Variants in ASTN1 observed in about 807,000 individuals in gnomAD.
ASTN1 encodes the protein astrotactin-1.
Under a neutral mutation model 140.7 loss-of-function variants are expected in ASTN1, and 41 were observed. That is an observed-to-expected ratio of 0.29 (90% confidence interval 0.23 to 0.38). The LOEUF (loss-of-function observed/expected upper bound fraction) is 0.38, where lower values mean the gene tolerates loss of function less well. Among genes scored for constraint, ASTN1 ranks in the 10% least tolerant of loss-of-function variants. The pLI is 1.00. For synonymous variants in ASTN1, 640 were observed against 652.2 expected, an observed-to-expected ratio of 0.98 and a Z score of 0.29; for missense variants, 1,479 against 1,678.8, an observed-to-expected ratio of 0.88 and a Z score of 2.08.
intron 9 of ASTN1, among the ~76,000 whole-genome samples, chr1:176,964,730 T>C (rs1381245870): frequency 6.6e-6 from 1 of 152,104 alleles, no homozygotes; most frequent in Non-Finnish European, 1.5e-5. Flanking sequence ...CTTAAGACTC[T>C]ATGAGGAAGG....
At chr1:176,859,163 C>G (rs890714370), downstream of ASTN1, among the ~76,000 whole-genome samples, 10 of 152,106 alleles carry the variant, frequency 6.6e-5, no homozygotes, top group Non-Finnish European at 2.9e-5. Context: ...AATGTTTTTT[C>G]CTTGTCCCAA....
In ASTN1 at chr1:176,996,289, T is replaced by TCACACACA. The variant is rs372443740; in HGVS notation, c.1523+18494_1523+18501dup. Reference sequence around the variant, plus strand: ...CTCTCTCTCTCTCTCTCTCTCTCTCTCACACACACACACACACACACAGAG... The same window carrying TCACACACA: ...CTCTCTCTCTCTCTCTCTCTCTCTCTCACACACACACACACACACACACACACACAGAG... On this transcript the variant is annotated intron_variant, in intron 8 of 22. Coordinates refer to ENST00000361833, the MANE Select transcript of ASTN1 (RefSeq NM_004319.3). Among the ~76,000 whole-genome samples, 8 of 129,302 alleles carry TCACACACA rather than the reference T, an allele frequency of 6.2e-5. 1 individual carries two copies. Among genetic ancestry groups the TCACACACA allele is most frequent in the Admixed American group, 2.5e-4 (3 of 12,104 alleles). 84.8% of individuals were successfully genotyped at this position (129,302 alleles called of 152,430 possible). A position where few individuals can be genotyped will look rare whatever the true frequency, so the allele number is the denominator to read the frequency against.
At chr1:177,147,767 C>T (rs1250318625) in intron 1 of ASTN1, among the ~76,000 whole-genome samples, 2 of 152,154 alleles carry the variant, frequency 1.3e-5, no homozygotes, top group Non-Finnish European at 1.5e-5. Context: ...TTATTCTTAA[C>T]ACAGAGATTG....
chr1:176,950,631 G>T (rs1672154268), intron 11 of ASTN1, among the ~76,000 whole-genome samples: 2 of 151,706 alleles, frequency 1.3e-5, no homozygotes, highest in African/African-American at 4.8e-5. Flanking sequence ...CCTTCTGCTT[G>T]TGCAACAGAT....
intron 18 of ASTN1, among the ~76,000 whole-genome samples, chr1:176,886,401 GAGGTAGCTCTC>G (rs1328367279): frequency 6.6e-6 from 1 of 152,186 alleles, no homozygotes; most frequent in East Asian, 1.9e-4. Context: ...TATTGTTTCA[GAGGTAGCTCTC>G]TTACCTGGTG....
chr1:176,880,266 A>C (rs1483148345), intron 20 of ASTN1, among the ~76,000 whole-genome samples: 2 of 152,076 alleles, frequency 1.3e-5, no homozygotes, highest in East Asian at 3.9e-4. Flanking sequence ...CTGAAACTTG[A>C]TGTGAGTGGA....
At chr1:176,872,747 A>T (rs1263148755) in intron 21 of ASTN1, among the ~76,000 whole-genome samples, 1 of 152,088 alleles carries the variant, frequency 6.6e-6, no homozygotes, top group African/African-American at 2.4e-5. Context: ...TCTTCTTCAA[A>T]CATGAGCCAA....
intron 8 of ASTN1, among the ~76,000 whole-genome samples, chr1:176,991,436 C>CAAAAAAAAAAAAAAAAAAAAAAAACAA (rs1173420812): frequency 4.3e-4 from 6 of 13,812 alleles, no homozygotes; most frequent in African/African-American, 1.1e-3. Flanking sequence ...AAAAAAAAAC[C>CAAAAAAAAAAAAAAAAAAAAAAAACAA]AAAAAAAAAA....
chr1:177,052,436 C>T (rs1439657775), intron 2 of ASTN1, among the ~76,000 whole-genome samples: 1 of 152,160 alleles, frequency 6.6e-6, no homozygotes, highest in Non-Finnish European at 1.5e-5. Context: ...TTATTATTCC[C>T]ATTTTATGGA....
chr1:177,143,592 A>G (rs2102228774), intron 1 of ASTN1, among the ~76,000 whole-genome samples: 1 of 152,328 alleles, frequency 6.6e-6, no homozygotes, highest in Non-Finnish European at 1.5e-5. Context: ...TCATTCAAAT[A>G]ATATCTTCAT....
Position 177,068,775 on chromosome 1 carries a change from G to A in ASTN1, c.284-7510C>T, listed in dbSNP as rs147625367. Among the ~76,000 whole-genome samples, 4 of 149,918 alleles carry A rather than the reference G, an allele frequency of 2.7e-5. No homozygotes were observed. In the East Asian group the frequency reaches 7.9e-4, roughly 30 times the overall value. On this transcript the variant is annotated intron_variant, in intron 1 of 22. Transcript: ENST00000361833. ...TTTGCAGAAATTTTTAGAATCAGAC[G>A]TTTTCTCTTGGAGTTTGGATTTTTC... is the stretch of plus-strand genomic sequence containing the variant.
chr1:176,917,411 A>G (rs1377913808), intron 16 of ASTN1, among the ~76,000 whole-genome samples: 5 of 152,108 alleles, frequency 3.3e-5, no homozygotes, highest in Admixed American at 3.3e-4. Flanking sequence ...GACTAGTAAT[A>G]ATAAAACTGT....
chr1:176,964,027 C>T (rs566621129), intron 9 of ASTN1, among the ~76,000 whole-genome samples: 19 of 152,280 alleles, frequency 1.2e-4, no homozygotes, highest in South Asian at 6.2e-4. Flanking sequence ...GGTAGGAGCA[C>T]GCCTAATAGA....
intron 16 of ASTN1, among the ~76,000 whole-genome samples, chr1:176,914,318 G>A (rs148106331): frequency 2.6e-5 from 4 of 152,218 alleles, no homozygotes; most frequent in Non-Finnish European, 4.4e-5. Flanking sequence ...GAGGCCCAGG[G>A]GAGTCGCCAA....
chr1:176,864,117 T>G lies in ASTN1; in HGVS notation c.*167A>C, dbSNP rs1668053163. ...CCAATCATGCAGATGGAGAACATCA[T>G]ACTGAAGAAGTTCTGCAGGGAGCAA... On this transcript the variant is annotated 3_prime_UTR_variant, in exon 23 of 23. Coordinates refer to ENST00000361833, the MANE Select transcript of ASTN1 (RefSeq NM_004319.3). The G allele has an allele frequency of 7.5e-6, 11 of 1,459,594 alleles. No individual in the cohort carries two copies. Among genetic ancestry groups the G allele is most frequent in the Non-Finnish European group, 9.9e-6 (11 of 1,110,370 alleles). 90.4% of individuals were successfully genotyped at this position (1,459,594 alleles called of 1,614,324 possible). A position where few individuals can be genotyped will look rare whatever the true frequency, so the allele number is the denominator to read the frequency against.
intron 5 of ASTN1, among the ~76,000 whole-genome samples, chr1:177,025,110 C>T (rs748509483): frequency 2.0e-5 from 3 of 152,188 alleles, no homozygotes; most frequent in Admixed American, 6.5e-5. Context: ...TACCTCCCAT[C>T]GCTCTTCACA....
chr1:176,892,740 A>T (rs894670754), intron 17 of ASTN1, among the ~76,000 whole-genome samples: 1 of 152,238 alleles, frequency 6.6e-6, no homozygotes, highest in Admixed American at 6.5e-5. Context: ...AAATAAAAAC[A>T]CACATTGAAT....
intron 21 of ASTN1, among the ~76,000 whole-genome samples, chr1:176,871,375 G>T (rs907414586): frequency 1.3e-5 from 2 of 152,162 alleles, no homozygotes; most frequent in African/African-American, 4.8e-5. Flanking sequence ...TCCCACCCCT[G>T]CACTGGTGCC....
intron 1 of ASTN1, among the ~76,000 whole-genome samples, chr1:177,149,150 T>C (rs1682865395): frequency 8.0e-6 from 1 of 125,286 alleles, no homozygotes. Context: ...ATATAGTGCA[T>C]ATATATAGTG....
Sources: gnomAD v4.1 joint callset for allele counts (sites outside exome capture counted in the v4.1 genomes callset) on GRCh38, gnomAD v4.1.1 for gene constraint, MANE v1.5 for transcripts, NCBI Gene and HGNC (gene_info 2026-07-23, HGNC 2026-07-21) for gene names.